The following GOLGA4 variants were observed in gnomAD, a reference collection of about 807,000 sequenced individuals.
The protein encoded by GOLGA4 is golgin subfamily A member 4.
Under a neutral mutation model 265.9 loss-of-function variants are expected in GOLGA4, and 169 were observed. The ratio of observed to expected loss-of-function variants is 0.64; its 90% CI spans 0.56 to 0.72. The LOEUF is 0.72. GOLGA4 is among the 30% of genes least tolerant of loss of function. GOLGA4 has a pLI of 0.00. For synonymous variants in GOLGA4, 923 were observed against 855.8 expected (o/e 1.08, Z -1.37); for missense variants, 2,482 against 2,483.4 (o/e 1.00, Z 0.01).
chr3:37,352,532 C>T (rs184770062), intron 21 of GOLGA4, among the ~76,000 whole-genome samples: 9 of 152,112 alleles, frequency 5.9e-5, no homozygotes, highest in East Asian at 3.9e-4. Flanking sequence ...CAAATCATGT[C>T]GCTGCTTTAC....
chr3:37,349,526 G>A (rs1003102692), intron 21 of GOLGA4, among the ~76,000 whole-genome samples: 2 of 152,116 alleles, frequency 1.3e-5, no homozygotes, highest in African/African-American at 4.8e-5. Context: ...CTAAAACGCT[G>A]GATTGATGAA....
At chr3:37,244,447 A>G (rs1230904380) in intron 1 of GOLGA4, among the ~76,000 whole-genome samples, 1 of 152,168 alleles carries the variant, frequency 6.6e-6, no homozygotes, top group African/African-American at 2.4e-5. Context: ...TAAAGAAACA[A>G]TTTCCTAAGC....
At chr3:37,308,102 G>A (rs561504697) in intron 10 of GOLGA4, among the ~76,000 whole-genome samples, 4 of 151,846 alleles carry the variant, frequency 2.6e-5, no homozygotes, top group Admixed American at 6.6e-5. Context: ...GCATGGTGGC[G>A]TGTGCCTGTA....
chr3:37,294,856 T>C, intron 5 of GOLGA4, 123 bp from the exon 6 acceptor site: 2 of 597,902 alleles, frequency 3.3e-6, no homozygotes, highest in Admixed American at 3.0e-5. Context: ...AATTATTCTC[T>C]AATTATTGTT....
At chr3:37,362,197 TTTTATTTATTTATTTATTTATTTA>T (rs144532752) in intron 23 of GOLGA4, among the ~76,000 whole-genome samples, 12 of 135,420 alleles carry the variant, frequency 8.9e-5, no homozygotes, top group African/African-American at 2.0e-4. Flanking sequence ...TCTTTTAAGC[TTTTATTTATTTATTTATTTATTTA>T]TTTATTTATT....
chr3:37,299,404 G>C (rs1363997648), intron 9 of GOLGA4, 33 bp downstream of exon 9: 1 of 1,314,920 alleles, frequency 7.6e-7, no homozygotes, highest in Non-Finnish European at 1.1e-6. Flanking sequence ...ACTAAAATTT[G>C]TCAAGAGGCC....
At chr3:37,313,117 C>A (rs2096927479) in intron 10 of GOLGA4, among the ~76,000 whole-genome samples, 1 of 152,006 alleles carries the variant, frequency 6.6e-6, no homozygotes, top group South Asian at 2.1e-4. Context: ...GCAGGATAAT[C>A]GCTTGAACCT....
At chr3:37,363,480 CACCCATAT>C (rs1696501894) in intron 23 of GOLGA4, among the ~76,000 whole-genome samples, 1 of 152,148 alleles carries the variant, frequency 6.6e-6, no homozygotes, top group Non-Finnish European at 1.5e-5. Flanking sequence ...GTACAATGAA[CACCCATAT>C]ACCCTTCACC....
intron 10 of GOLGA4, chr3:37,313,372 C>T (rs2096928203): frequency 6.6e-6 from 1 of 152,140 alleles, no homozygotes; most frequent in Admixed American, 6.5e-5. Flanking sequence ...TTCCTGTGCC[C>T]AAACCACTGT....
chr3:37,273,491 A>T, intron 2 of GOLGA4: 1 of 1,032,702 alleles, frequency 9.7e-7, no homozygotes, highest in Non-Finnish European at 1.5e-6. Flanking sequence ...TTAAACCTTT[A>T]GTTTTTTGTT....
intron 1 of GOLGA4, chr3:37,245,200 TGTGTCATTA>T (rs1341286286): frequency 2.6e-5 from 4 of 152,678 alleles, no homozygotes; most frequent in African/African-American, 7.2e-5. Context: ...CAACATTTAC[TGTGTCATTA>T]GTATGTACCA....
chr3:37,249,691 C>CT (rs2096728770), intron 1 of GOLGA4: 2 of 152,168 alleles, frequency 1.3e-5, no homozygotes, highest in African/African-American at 4.8e-5. Context: ...TCTGGTTCAT[C>CT]TTTTAGAAGG....
At chr3:37,364,206 G>A (rs1455475569) in intron 23 of GOLGA4, among the ~76,000 whole-genome samples, 1 of 151,896 alleles carries the variant, frequency 6.6e-6, no homozygotes, top group East Asian at 1.9e-4. Flanking sequence ...CTCATATCTT[G>A]ATGTGACTAC....
intron 1 of GOLGA4, among the ~76,000 whole-genome samples, chr3:37,248,078 T>G (rs964424375): frequency 2.6e-5 from 4 of 152,220 alleles, no homozygotes; most frequent in Non-Finnish European, 4.4e-5. Context: ...GCTCATTATA[T>G]TCACAGGGCA....
chr3:37,253,278 A>C (rs1328086205), intron 2 of GOLGA4, among the ~76,000 whole-genome samples: 2 of 151,596 alleles, frequency 1.3e-5, no homozygotes, highest in Non-Finnish European at 2.9e-5. Flanking sequence ...GTTCCCATCC[A>C]TTTCCCATCC....
chr3:37,294,910 T>C lies in GOLGA4; in HGVS notation c.583-69T>C, dbSNP rs561383963. 3.1e-6 allele frequency: 3 copies of C among 965,876 alleles called. No individual in the cohort carries two copies. In the East Asian group the frequency reaches 7.5e-5, roughly 24 times the overall value. The allele number at this position is 965,876 out of a possible 1,614,324, so 59.8% of individuals were successfully genotyped here. A position where few individuals can be genotyped will look rare whatever the true frequency, so the allele number is the denominator to read the frequency against. The stretch of plus-strand genomic sequence containing the variant: ...ATGCAAATCTGTATTCAACATGTTT[T>C]TAAATTTTGAAAACTTTGTATTTTT... On this transcript the variant is annotated intron_variant, in intron 5 of 23. Transcript: ENST00000361924.
At chr3:37,285,220 C>G (rs896446090) in intron 3 of GOLGA4, among the ~76,000 whole-genome samples, 1 of 147,764 alleles carries the variant, frequency 6.8e-6, no homozygotes, top group Non-Finnish European at 1.5e-5. Context: ...AGGCTGGTCT[C>G]GAACTCTTGG....
At chr3:37,278,812 AC>A (rs2096826607) in intron 2 of GOLGA4, among the ~76,000 whole-genome samples, 1 of 146,416 alleles carries the variant, frequency 6.8e-6, no homozygotes, top group Non-Finnish European at 1.5e-5. Flanking sequence ...CAGTTTGTTT[AC>A]TTTTTTTTTT....
chr3:37,311,959 C>G (rs1484254551), intron 10 of GOLGA4, among the ~76,000 whole-genome samples: 3 of 152,046 alleles, frequency 2.0e-5, no homozygotes, highest in African/African-American at 7.2e-5. Context: ...TTATACTGTG[C>G]TGGATTCTGG....
Sources: allele counts gnomAD v4.1 joint callset (sites outside exome capture counted in the v4.1 genomes callset), GRCh38; gene constraint gnomAD v4.1.1; transcripts MANE v1.5; gene names NCBI Gene and HGNC (gene_info 2026-07-23, HGNC 2026-07-21).